MTFR1: variants seen among roughly 807,000 people sequenced by gnomAD.
The protein encoded by MTFR1 is chondrocyte protein with a poly-proline region.
MTFR1 carries 28 observed loss-of-function variants against 38.8 expected under a neutral mutation model. The observed-to-expected ratio is 0.72, with a 90% CI of 0.53 to 0.99. The LOEUF is 0.99. Among genes scored for constraint, MTFR1 ranks in the 50% least tolerant of loss-of-function variants. MTFR1 has a pLI of 0.00. For missense variants in MTFR1, 358 were observed against 395.5 expected, an observed-to-expected ratio of 0.91 and a Z score of 0.81; for synonymous variants, 145 against 137.0, an observed-to-expected ratio of 1.06 and a Z score of -0.41.
chr8:65,735,855 C>A (rs917511168), intron 3 of MTFR1, among the ~76,000 whole-genome samples: 1 of 151,796 alleles, frequency 6.6e-6, no homozygotes, highest in Non-Finnish European at 1.5e-5. Context: ...TAACTCCTGA[C>A]CTCAGGTGAT....
At chr8:65,726,954 G>T in intron 3 of MTFR1, 1 of 1,589,992 alleles carries the variant, frequency 6.3e-7, no homozygotes, top group Non-Finnish European at 8.6e-7. Flanking sequence ...TGATTTTCCA[G>T]TACTGAGGTA....
chr8:65,671,033 G>T (rs574494965), intron 2 of MTFR1, among the ~76,000 whole-genome samples: 1 of 152,066 alleles, frequency 6.6e-6, no homozygotes, highest in African/African-American at 2.4e-5. Context: ...TTACTTTTTT[G>T]TTTTTGTGCC....
intron 3 of MTFR1, among the ~76,000 whole-genome samples, chr8:65,726,328 TTA>T (rs1563471344): frequency 6.7e-6 from 1 of 149,356 alleles, no homozygotes; most frequent in African/African-American, 2.4e-5. Context: ...AATAGCCCAT[TTA>T]TTTTTTTTTC....
chr8:65,671,840 T>C (rs1176420541), intron 2 of MTFR1, among the ~76,000 whole-genome samples: 1 of 152,254 alleles, frequency 6.6e-6, no homozygotes, highest in African/African-American at 2.4e-5. Flanking sequence ...GCTACTGCTA[T>C]AAGAATTGTT....
At chr8:65,734,342 C>T (rs1807032652) in intron 3 of MTFR1, among the ~76,000 whole-genome samples, 1 of 152,242 alleles carries the variant, frequency 6.6e-6, no homozygotes, top group Non-Finnish European at 1.5e-5. Flanking sequence ...CAAGGCCACT[C>T]TGCTCTCTTC....
intron 3 of MTFR1, among the ~76,000 whole-genome samples, chr8:65,745,009 G>A (rs1273104897): frequency 6.6e-6 from 1 of 152,304 alleles, no homozygotes; most frequent in East Asian, 1.9e-4. Flanking sequence ...GAGGGACCCG[G>A]TGGGAGACAA....
chr8:65,663,090 G>C (rs928350302), intron 1 of MTFR1, among the ~76,000 whole-genome samples: 2 of 152,210 alleles, frequency 1.3e-5, no homozygotes, highest in Non-Finnish European at 2.9e-5. Flanking sequence ...GAATAGAAAG[G>C]GGGGAAAGGT....
intron 3 of MTFR1, among the ~76,000 whole-genome samples, chr8:65,728,839 T>C (rs1806716521): frequency 1.3e-5 from 2 of 152,156 alleles, no homozygotes; most frequent in African/African-American, 4.8e-5. Context: ...TGACTGCACA[T>C]GACATCAAAA....
chr8:65,667,244 C>A (rs1229623986), intron 1 of MTFR1, among the ~76,000 whole-genome samples: 1 of 150,986 alleles, frequency 6.6e-6, no homozygotes, highest in Non-Finnish European at 1.5e-5. Flanking sequence ...CCATTGTACT[C>A]CAGCCTGGGT....
chr8:65,715,857 G>A (rs1426008282), intron 2 of MTFR1, among the ~76,000 whole-genome samples: 16 of 150,416 alleles, frequency 1.1e-4, no homozygotes, highest in South Asian at 6.3e-4. Flanking sequence ...GCCTGGTGGC[G>A]GGCGCCTGTA....
At chr8:65,693,577 G>A (rs1006610342) in intron 3 of MTFR1, 67 bp from the exon 4 acceptor site, 54 of 1,353,266 alleles carry the variant, frequency 4.0e-5, no homozygotes, top group Non-Finnish European at 4.7e-5. Flanking sequence ...TCCTTTAGGT[G>A]AGTAAAAAAA....
chr8:65,729,013 C>A (rs1053419114), intron 3 of MTFR1, among the ~76,000 whole-genome samples: 1 of 151,130 alleles, frequency 6.6e-6, no homozygotes, highest in Non-Finnish European at 1.5e-5. Context: ...TAAAAAAAAA[C>A]CTTTCATCAG....
intron 3 of MTFR1, among the ~76,000 whole-genome samples, chr8:65,754,403 C>G (rs1808118458): frequency 6.6e-6 from 1 of 151,854 alleles, no homozygotes; most frequent in African/African-American, 2.4e-5. Context: ...CATATACCTC[C>G]TTTCCCATTC....
chr8:65,718,564 A>C (rs1426479566), intron 2 of MTFR1: 1 of 152,416 alleles, frequency 6.6e-6, no homozygotes. Flanking sequence ...CAAATTAAAA[A>C]CTAATTGCTA....
chr8:65,725,857 C>T (rs1806585408), intron 3 of MTFR1, among the ~76,000 whole-genome samples: 2 of 152,200 alleles, frequency 1.3e-5, no homozygotes, highest in South Asian at 4.1e-4. Context: ...TTTAATCTGT[C>T]TTAATTTTAA....
intron 1 of MTFR1, among the ~76,000 whole-genome samples, chr8:65,652,123 G>A (rs778791380): frequency 6.6e-6 from 1 of 151,460 alleles, no homozygotes; most frequent in Non-Finnish European, 1.5e-5. Context: ...TTTTTGAGAC[G>A]AAGTCCCACT....
chr8:65,713,474 A>ACACACACACACAC (rs1185696447), downstream of MTFR1, among the ~76,000 whole-genome samples: 2 of 151,352 alleles, frequency 1.3e-5, no homozygotes, highest in East Asian at 3.9e-4. Flanking sequence ...ACACACACAC[A>ACACACACACACAC]CACACACACA....
chr8:65,656,750 C>T (rs1809281673), intron 1 of MTFR1, among the ~76,000 whole-genome samples: 1 of 151,940 alleles, frequency 6.6e-6, no homozygotes, highest in South Asian at 2.1e-4. Flanking sequence ...ATCCGCCTGC[C>T]TCAGCCTCCC....
rs561002490 is a variant in MTFR1 at position 65,768,623 on chromosome 8, C to T, written c.*49-2324C>T. Among the ~76,000 whole-genome samples, 34 of 152,180 alleles carry T rather than the reference C, an allele frequency of 2.2e-4. 1 individual carries two copies. Among genetic ancestry groups the T allele is most frequent in the Non-Finnish European group, 4.6e-4 (31 of 68,032 alleles). On this transcript the variant is annotated intron_variant, in intron 3 of 3. Transcript: ENST00000521247. ...TCAGCAGCGTAAAAACAGACTAATA[C>T]AAATTCTTACTGATACTTGTATTCT...
Sources: allele counts gnomAD v4.1 joint callset (sites outside exome capture counted in the v4.1 genomes callset), GRCh38; gene constraint gnomAD v4.1.1; transcripts MANE v1.5; gene names NCBI Gene and HGNC (gene_info 2026-07-23, HGNC 2026-07-21).